Variants in LPAR1 observed in about 807,000 individuals in gnomAD.
The protein encoded by LPAR1 is lysophosphatidic acid receptor 1, also known as LPA receptor 1.
LPAR1 carries 5 observed loss-of-function variants against 23.8 expected under a neutral mutation model. That is an observed-to-expected ratio of 0.21 (90% CI 0.11 to 0.44). LPAR1 has a LOEUF of 0.44. LPAR1 is among the 20% of genes least tolerant of loss of function. The probability of loss-of-function intolerance (pLI) is 0.99; values close to 1 mark genes in which losing one functional copy is unlikely to be tolerated. For synonymous variants in LPAR1, 160 were observed against 164.7 expected (o/e 0.97, Z 0.22); for missense variants, 311 against 482.8 (o/e 0.64, Z 3.33).
At chr9:110,879,532 G>T (rs1395210787) in intron 5 of LPAR1, among the ~76,000 whole-genome samples, 2 of 151,910 alleles carry the variant, frequency 1.3e-5, no homozygotes, top group Admixed American at 1.3e-4. Context: ...TGTATATCTG[G>T]CTATTTGAAA....
At chr9:111,005,151 C>CAAAAAAA (rs71371700) in intron 2 of LPAR1, among the ~76,000 whole-genome samples, 2 of 74,286 alleles carry the variant, frequency 2.7e-5, no homozygotes, top group African/African-American at 5.3e-5. Context: ...GACAAAGTCT[C>CAAAAAAA]AAAAAAAAAA....
At chr9:110,900,001 A>G (rs1416038114) in intron 5 of LPAR1, among the ~76,000 whole-genome samples, 1 of 152,156 alleles carries the variant, frequency 6.6e-6, no homozygotes, top group Non-Finnish European at 1.5e-5. Context: ...GCTTTTACAT[A>G]AAAAGTTATA....
At chr9:110,878,212 G>A (rs2079645128) in intron 5 of LPAR1, among the ~76,000 whole-genome samples, 1 of 152,192 alleles carries the variant, frequency 6.6e-6, no homozygotes, top group African/African-American at 2.4e-5. Context: ...TAATTTCAGT[G>A]ACTCACAGTA....
intron 5 of LPAR1, among the ~76,000 whole-genome samples, chr9:110,896,076 A>G (rs1292598266): frequency 6.6e-6 from 1 of 152,196 alleles, no homozygotes; most frequent in East Asian, 1.9e-4. Context: ...GTAAACCAGT[A>G]AAGTGCTCGC....
At chr9:111,008,749 A>G (rs1395559196) in intron 2 of LPAR1, among the ~76,000 whole-genome samples, 3 of 152,166 alleles carry the variant, frequency 2.0e-5, no homozygotes, top group Non-Finnish European at 4.4e-5. Flanking sequence ...ACTGGGGATG[A>G]CCTGAATTCC....
chr9:110,953,529 G>A (rs575306143), intron 4 of LPAR1, among the ~76,000 whole-genome samples: 53 of 152,258 alleles, frequency 3.5e-4, no homozygotes, highest in Non-Finnish European at 6.0e-4. Flanking sequence ...CGGGCATGGT[G>A]GCACATGCCT....
intron 2 of LPAR1, among the ~76,000 whole-genome samples, chr9:110,983,983 G>C (rs1324501149): frequency 2.0e-5 from 3 of 151,708 alleles, no homozygotes; most frequent in Non-Finnish European, 4.4e-5. Flanking sequence ...AATTTTTGTG[G>C]GTACATAGTA....
Position 110,981,275 on chromosome 9 carries a change from C to T in LPAR1, c.-181-7717G>A, listed in dbSNP as rs142745907. Among the ~76,000 whole-genome samples the T allele has an allele frequency of 2.1e-3, 318 of 152,174 alleles. 4 individuals are homozygous for T. Among genetic ancestry groups the T allele is most frequent in the Middle Eastern group, 0.017 (5 of 294 alleles). Reference sequence around the variant, plus strand: ...CAGTGCTGCATAGTAGTTACAAGTACAGTACGCTAGGGAATCCAACTGCCT... The same window carrying T: ...CAGTGCTGCATAGTAGTTACAAGTATAGTACGCTAGGGAATCCAACTGCCT... On this transcript the variant is annotated intron_variant, in intron 2 of 5. Transcript: ENST00000683809.
At chr9:111,004,776 C>A (rs1403565452) in intron 2 of LPAR1, among the ~76,000 whole-genome samples, 2 of 152,184 alleles carry the variant, frequency 1.3e-5, no homozygotes, top group Non-Finnish European at 2.9e-5. Flanking sequence ...CTTATCCATA[C>A]CAATCAATTC....
chr9:111,001,573 A>G (rs1029416904), intron 2 of LPAR1, among the ~76,000 whole-genome samples: 4 of 152,202 alleles, frequency 2.6e-5, no homozygotes, highest in African/African-American at 9.6e-5. Flanking sequence ...ACTTCATATC[A>G]TACATAGAAC....
chr9:110,881,707 T>C (rs560489541), intron 5 of LPAR1, among the ~76,000 whole-genome samples: 1 of 152,296 alleles, frequency 6.6e-6, no homozygotes, highest in Non-Finnish European at 1.5e-5. Flanking sequence ...AGCAATACCT[T>C]TTATCTGCCA....
chr9:110,986,681 G>A (rs7037452), intron 2 of LPAR1, among the ~76,000 whole-genome samples: 1 of 152,066 alleles, frequency 6.6e-6, no homozygotes, highest in South Asian at 2.1e-4. Flanking sequence ...GACCAATGGG[G>A]GTGGAAACAA....
At chr9:110,959,137 C>A in intron 4 of LPAR1, among the ~76,000 whole-genome samples, 1 of 34,652 alleles carries the variant, frequency 2.9e-5, no homozygotes, top group East Asian at 3.5e-3. Context: ...AGTACAGTGA[C>A]TATTAAAAAA....
chr9:110,998,306 C>A (rs2097058985), intron 2 of LPAR1, among the ~76,000 whole-genome samples: 1 of 152,036 alleles, frequency 6.6e-6, no homozygotes, highest in Non-Finnish European at 1.5e-5. Flanking sequence ...GCTTTTAATA[C>A]CTGGCAGAAA....
chr9:110,900,554 T>C (rs1455131187), intron 5 of LPAR1, among the ~76,000 whole-genome samples: 2 of 152,206 alleles, frequency 1.3e-5, no homozygotes, highest in African/African-American at 4.8e-5. Context: ...GAACATTTCA[T>C]AGCATTTCTA....
At chr9:110,974,869 G>A (rs1409928280) in intron 2 of LPAR1, among the ~76,000 whole-genome samples, 2 of 152,074 alleles carry the variant, frequency 1.3e-5, no homozygotes, top group Non-Finnish European at 2.9e-5. Flanking sequence ...GAACCCCAAG[G>A]TGCACTGTTT....
intron 4 of LPAR1, among the ~76,000 whole-genome samples, chr9:110,960,973 T>C (rs1003429595): frequency 1.5e-4 from 23 of 152,178 alleles, no homozygotes; most frequent in Non-Finnish European, 3.4e-4. Context: ...CTAATAACAA[T>C]ATATTTCCTT....
At chr9:110,987,263 A>G (rs1199934445) in intron 2 of LPAR1, among the ~76,000 whole-genome samples, 1 of 151,790 alleles carries the variant, frequency 6.6e-6, no homozygotes, top group Admixed American at 6.6e-5. Flanking sequence ...CTACATTTAC[A>G]TGCAATTCAA....
chr9:110,873,900 A>G lies in LPAR1; in HGVS notation c.*1521T>C, dbSNP rs897470463. The G allele has an allele frequency of 6.6e-6, 1 of 152,430 alleles. No individual in the cohort carries two copies. Among genetic ancestry groups the G allele is most frequent in the Non-Finnish European group, 1.5e-5 (1 of 68,034 alleles). 9.4% of individuals were successfully genotyped at this position (152,430 alleles called of 1,614,324 possible). A position where few individuals can be genotyped will look rare whatever the true frequency, so the allele number is the denominator to read the frequency against. On this transcript the variant is annotated 3_prime_UTR_variant, in exon 6 of 6. Transcript: ENST00000683809. ...CTCAAACAAAGTTTGGAATTGCGAG[A>G]TATATTGGGGTACCTTGATTCTTGA...
Sources: allele counts gnomAD v4.1 joint callset (sites outside exome capture counted in the v4.1 genomes callset), GRCh38; gene constraint gnomAD v4.1.1; transcripts MANE v1.5; gene names NCBI Gene and HGNC (gene_info 2026-07-23, HGNC 2026-07-21).